ITGB5: variants seen among roughly 807,000 people sequenced by gnomAD.
ITGB5 encodes integrin beta-5.
A neutral mutation model predicts 84.8 loss-of-function variants in ITGB5; 38 were observed. The observed-to-expected ratio is 0.45, with a 90% CI of 0.35 to 0.59. The LOEUF is 0.59. ITGB5 is among the 20% of genes least tolerant of loss of function. The pLI, the probability that ITGB5 is intolerant of heterozygous loss-of-function variation, is 0.01. For synonymous variants in ITGB5, 393 were observed against 414.4 expected (o/e 0.95, Z 0.63); for missense variants, 905 against 1,034.5 (o/e 0.87, Z 1.72).
At chr3:124,820,858 A>G (rs1482432286) in intron 6 of ITGB5, among the ~76,000 whole-genome samples, 2 of 152,150 alleles carry the variant, frequency 1.3e-5, no homozygotes, top group Admixed American at 6.5e-5. Flanking sequence ...CATGCAGAAC[A>G]CTTCTGCCCA....
chr3:124,847,100 TATGAGATTTAA>T (rs1161174457), intron 4 of ITGB5, among the ~76,000 whole-genome samples: 13 of 152,240 alleles, frequency 8.5e-5, no homozygotes, highest in African/African-American at 2.7e-4. Flanking sequence ...AACAGATTGT[TATGAGATTTAA>T]ATGAGATAAT....
chr3:124,883,530 A>T (rs990223367), intron 1 of ITGB5, among the ~76,000 whole-genome samples: 5 of 152,222 alleles, frequency 3.3e-5, no homozygotes, highest in African/African-American at 7.2e-5. Flanking sequence ...TTACCTACAG[A>T]GAGCTGCAGA....
intron 1 of ITGB5, among the ~76,000 whole-genome samples, chr3:124,876,970 T>C (rs1934353336): frequency 6.9e-6 from 1 of 145,798 alleles, no homozygotes; most frequent in Non-Finnish European, 1.6e-5. Context: ...ATTTCTTGTT[T>C]GTTTTTTTTT....
At chr3:124,817,059 A>C (rs1456814563) in intron 8 of ITGB5, among the ~76,000 whole-genome samples, 4 of 152,194 alleles carry the variant, frequency 2.6e-5, no homozygotes, top group African/African-American at 7.2e-5. Flanking sequence ...ATCTCTCTAT[A>C]TATATTTTTA....
chr3:124,850,953 C>A (rs2107606838), intron 3 of ITGB5, among the ~76,000 whole-genome samples: 1 of 152,362 alleles, frequency 6.6e-6, no homozygotes, highest in Middle Eastern at 3.4e-3. Flanking sequence ...TGGACAGAGC[C>A]TGCAATCCTA....
Position 124,764,375 on chromosome 3 carries a change from T to C in ITGB5, c.2304+16A>G. 6.3e-7 allele frequency: 1 copy of C among 1,592,278 alleles called. No individual in the cohort carries two copies. Among genetic ancestry groups the C allele is most frequent in the South Asian group, 1.1e-5 (1 of 90,282 alleles). ...AGCTTGAAGTCTCCTCTGCTTCCCA[T>C]TTCCCACGTGCTTACCATTTCATAG... On this transcript the variant is annotated intron_variant, in intron 14 of 14. Coordinates refer to ENST00000296181, the MANE Select transcript of ITGB5 (RefSeq NM_002213.5).
chr3:124,790,431 C>A (rs1376313552), intron 10 of ITGB5, among the ~76,000 whole-genome samples: 1 of 143,468 alleles, frequency 7.0e-6, no homozygotes, highest in African/African-American at 2.6e-5. Flanking sequence ...GTTATCAGAA[C>A]CGCCTTTGAC....
chr3:124,883,812 TCA>T (rs943443566), intron 1 of ITGB5, among the ~76,000 whole-genome samples: 10 of 152,174 alleles, frequency 6.6e-5, no homozygotes, highest in Non-Finnish European at 1.3e-4. Flanking sequence ...AAGCCTCACC[TCA>T]GTGAGACCCC....
At chr3:124,788,986 G>A (rs2064119504) in intron 10 of ITGB5, among the ~76,000 whole-genome samples, 1 of 152,118 alleles carries the variant, frequency 6.6e-6, no homozygotes, top group Non-Finnish European at 1.5e-5. Context: ...TTGAGCCCAG[G>A]AGTTCAAGAC....
chr3:124,817,961 C>T (rs1323323645), intron 7 of ITGB5, among the ~76,000 whole-genome samples: 2 of 152,156 alleles, frequency 1.3e-5, no homozygotes, highest in African/African-American at 4.8e-5. Flanking sequence ...AGATCTTTCT[C>T]TAAAAGATAA....
chr3:124,885,586 C>G (rs1276814454), intron 1 of ITGB5, among the ~76,000 whole-genome samples: 1 of 152,136 alleles, frequency 6.6e-6, no homozygotes, highest in Non-Finnish European at 1.5e-5. Flanking sequence ...AAGGAAAGTC[C>G]TTGTGGAGCA....
At chr3:124,797,811 G>A (rs1407835236) in intron 9 of ITGB5, among the ~76,000 whole-genome samples, 14 of 152,214 alleles carry the variant, frequency 9.2e-5, no homozygotes, top group East Asian at 5.8e-4. Flanking sequence ...CTATGAAAAC[G>A]CACAGACAGG....
At chr3:124,862,662 A>G (rs1461389552) in intron 2 of ITGB5, 2 of 152,222 alleles carry the variant, frequency 1.3e-5, no homozygotes, top group South Asian at 2.1e-4. Context: ...TCCCAAGTGC[A>G]TGCTGTAGCA....
At chr3:124,847,658 C>T (rs1375415397) in intron 4 of ITGB5, among the ~76,000 whole-genome samples, 1 of 152,168 alleles carries the variant, frequency 6.6e-6, no homozygotes, top group Non-Finnish European at 1.5e-5. Context: ...TCACTGCTTG[C>T]AGGAGAAGTT....
At chr3:124,780,031 C>T (rs2150945883) in intron 10 of ITGB5, among the ~76,000 whole-genome samples, 1 of 152,298 alleles carries the variant, frequency 6.6e-6, no homozygotes, top group South Asian at 2.1e-4. Context: ...ACAGAGGCCC[C>T]CTTCTGCCCT....
intron 1 of ITGB5, among the ~76,000 whole-genome samples, chr3:124,895,074 A>G (rs1267257789): frequency 6.6e-6 from 1 of 152,202 alleles, no homozygotes; most frequent in Non-Finnish European, 1.5e-5. Flanking sequence ...CTTGGGGAGA[A>G]ATGCTATAGG....
chr3:124,785,050 G>A (rs1274438453), intron 10 of ITGB5, among the ~76,000 whole-genome samples: 1 of 152,222 alleles, frequency 6.6e-6, no homozygotes, highest in African/African-American at 2.4e-5. Context: ...TGAGGCGGCA[G>A]GGAAGCAGCT....
chr3:124,804,719 T>C (rs1272781847), intron 9 of ITGB5, among the ~76,000 whole-genome samples: 1 of 152,182 alleles, frequency 6.6e-6, no homozygotes, highest in East Asian at 1.9e-4. Flanking sequence ...CAGGCTAGAG[T>C]GCAGTGGTGC....
At chr3:124,765,067 C>T (rs543865796) in intron 13 of ITGB5, among the ~76,000 whole-genome samples, 29 of 152,188 alleles carry the variant, frequency 1.9e-4, no homozygotes, top group Non-Finnish European at 3.1e-4. Flanking sequence ...TTCTTACAGG[C>T]GTGCATCCTA....
Sources: gnomAD v4.1 joint callset for allele counts (sites outside exome capture counted in the v4.1 genomes callset) on GRCh38, gnomAD v4.1.1 for gene constraint, MANE v1.5 for transcripts, NCBI Gene and HGNC (gene_info 2026-07-23, HGNC 2026-07-21) for gene names.